OVCH1: variants seen among roughly 807,000 people sequenced by gnomAD.
OVCH1 encodes ovochymase 1, also known as ovochymase-1.
OVCH1 carries 139 observed loss-of-function variants against 138.4 expected under a neutral mutation model. That is an observed-to-expected ratio of 1.00 (90% CI 0.87 to 1.16). The LOEUF is 1.16. Among genes scored for constraint, OVCH1 ranks in the 50% most tolerant of loss-of-function variants. The probability of loss-of-function intolerance (pLI) is 0.00; values close to 1 mark genes in which losing one functional copy is unlikely to be tolerated. For missense variants in OVCH1, 1,367 were observed against 1,357.9 expected (o/e 1.01, Z -0.11); for synonymous variants, 453 against 467.8 (o/e 0.97, Z 0.41).
At chr12:29,418,981 A>G (rs759753658) in intron 3 of OVCH1, among the ~76,000 whole-genome samples, 1 of 152,036 alleles carries the variant, frequency 6.6e-6, no homozygotes, top group African/African-American at 2.4e-5. Context: ...CAGCCTCCTG[A>G]TTTGCTGGGA....
intron 8 of OVCH1, among the ~76,000 whole-genome samples, chr12:29,481,246 C>T (rs73278790): frequency 0.031 from 4,691 of 152,090 alleles, 251 homozygotes; most frequent in African/African-American, 0.11. Context: ...TTTAGCCTTA[C>T]GCTAAAGACA....
intron 22 of OVCH1, among the ~76,000 whole-genome samples, chr12:29,446,476 G>T (rs1941619187): frequency 1.3e-5 from 2 of 151,938 alleles, no homozygotes; most frequent in Admixed American, 6.6e-5. Context: ...CTTAAGTAAA[G>T]AATAATATTT....
intron 12 of OVCH1, 122 bp from the exon 13 acceptor site, chr12:29,476,421 G>A (rs1942717551): frequency 3.8e-6 from 3 of 787,488 alleles, no homozygotes; most frequent in Non-Finnish European, 4.2e-6. Flanking sequence ...ACATAGAAGT[G>A]TAAATAATTG....
chr12:29,442,320 T>C (rs1251885221), intron 25 of OVCH1, among the ~76,000 whole-genome samples: 1 of 149,786 alleles, frequency 6.7e-6, no homozygotes, highest in Non-Finnish European at 1.5e-5. Context: ...ATGTCCTTTG[T>C]AGGGACATGG....
At chr12:29,407,067 T>G in the OVCH1 span, among the ~76,000 whole-genome samples, 2 of 152,004 alleles carry the variant, frequency 1.3e-5, no homozygotes, top group East Asian at 3.9e-4. Flanking sequence ...TGATGATGAG[T>G]ATTTTTTCAT....
At chr12:29,422,755 T>C (rs1184065732), downstream of OVCH1, among the ~76,000 whole-genome samples, 3 of 152,160 alleles carry the variant, frequency 2.0e-5, no homozygotes, top group African/African-American at 7.2e-5. Flanking sequence ...TCTATTCTCT[T>C]CTGGGAACTT....
chr12:29,431,756 T>C (rs1211496729), intron 27 of OVCH1, among the ~76,000 whole-genome samples: 2 of 152,230 alleles, frequency 1.3e-5, no homozygotes, highest in South Asian at 4.1e-4. Flanking sequence ...AAATCTATTA[T>C]AATTCTTCTG....
At chr12:29,470,022 C>T (rs934843692) in intron 16 of OVCH1, among the ~76,000 whole-genome samples, 3 of 152,044 alleles carry the variant, frequency 2.0e-5, no homozygotes, top group African/African-American at 7.2e-5. Context: ...TTATACACAG[C>T]CACATGGCTT....
At chr12:29,451,696 C>T (rs150871147) in intron 21 of OVCH1, 127 bp from the exon 22 acceptor site, 3 of 669,398 alleles carry the variant, frequency 4.5e-6, no homozygotes, top group African/African-American at 3.6e-5. Context: ...CTGTCAGTTA[C>T]AAATTATTCT....
chr12:29,455,801 A>G (rs1941934228), intron 19 of OVCH1, among the ~76,000 whole-genome samples: 1 of 152,218 alleles, frequency 6.6e-6, no homozygotes, highest in Admixed American at 6.5e-5. Context: ...AGATGGATCC[A>G]TCACAAGAAA....
rs1022263951 is a variant in OVCH1 at position 29,445,227 on chromosome 12, G to A, written c.2881+51C>T. On this transcript the variant is annotated intron_variant, in intron 23 of 27. Transcript: ENST00000318184. ...ATGTTTGGAAATATTCCTAAATAGA[G>A]TAATATTGATTTCTTTAGCCTTTAC... 8.6e-6 allele frequency: 13 copies of A among 1,507,982 alleles called. No homozygotes were observed. In the African/African-American group the frequency reaches 1.1e-4, roughly 13 times the overall value. The allele number at this position is 1,507,982 out of a possible 1,614,324, so 93.4% of individuals were successfully genotyped here.
intron 3 of OVCH1, among the ~76,000 whole-genome samples, chr12:29,421,247 G>T (rs771270625): frequency 5.3e-5 from 8 of 152,214 alleles, no homozygotes; most frequent in South Asian, 2.1e-4. Flanking sequence ...TTGGTCAACA[G>T]CTGGAATGCT....
chr12:29,457,905 G>A (rs2135960881), intron 19 of OVCH1, among the ~76,000 whole-genome samples: 1 of 152,276 alleles, frequency 6.6e-6, no homozygotes, highest in African/African-American at 2.4e-5. Context: ...TTGAGCTGAT[G>A]CATAAAGGAT....
chr12:29,435,322 G>C (rs1941338081), intron 26 of OVCH1, among the ~76,000 whole-genome samples: 1 of 152,026 alleles, frequency 6.6e-6, no homozygotes, highest in Non-Finnish European at 1.5e-5. Flanking sequence ...TCTATGAATA[G>C]TCACTGCACT....
At chr12:29,410,367 T>C (rs2135865821), downstream of OVCH1, among the ~76,000 whole-genome samples, 1 of 151,512 alleles carries the variant, frequency 6.6e-6, no homozygotes, top group African/African-American at 2.4e-5. Flanking sequence ...GTTAGCTGGT[T>C]ATTTTGCTCG....
Position 29,464,683 on chromosome 12 carries a change from AT to A in OVCH1, c.1948del (p.Ile650Ter). The A allele has an allele frequency of 3.1e-6, 5 of 1,613,214 alleles. No homozygotes were observed. The highest frequency in any genetic ancestry group is 4.2e-6 in the Non-Finnish European group (5 of 1,179,504). ...TGTGTTAAAGTCTTCATGCACTATT[AT>A]GTGTTTGGCCCTTCTCACCTGTATC... On this transcript the variant is annotated frameshift_variant, in exon 18 of 28. Coordinates refer to ENST00000318184, the Ensembl canonical transcript of OVCH1. LOFTEE classifies it high-confidence loss of function.
chr12:29,474,220 C>A (rs573880882), intron 14 of OVCH1, among the ~76,000 whole-genome samples: 1 of 152,142 alleles, frequency 6.6e-6, no homozygotes, highest in East Asian at 1.9e-4. Context: ...AGAATAAATT[C>A]TTTACAATGA....
exon 11 of OVCH1, chr12:29,477,419 C>A (rs758704702): frequency 6.2e-7 from 1 of 1,613,962 alleles, no homozygotes; most frequent in Non-Finnish European, 8.5e-7. Context: ...ACAAATGGAA[C>A]CATGGCCTCA....
chr12:29,461,736 A>G lies in OVCH1; in HGVS notation c.2280+118T>C, dbSNP rs140537918. The stretch of plus-strand genomic sequence containing the variant: ...TTGCCCCACTGGTCTTCATGCAGGG[A>G]TATGATATTGAAGCACGTGACAAGT... On this transcript the variant is annotated intron_variant, in intron 19 of 27. Transcript: ENST00000318184. 3.5e-4 allele frequency: 439 copies of G among 1,238,280 alleles called. 1 individual carries two copies. In the African/African-American group the frequency reaches 5.5e-3, roughly 16 times the overall value. The allele number at this position is 1,238,280 out of a possible 1,614,324, so 76.7% of individuals were successfully genotyped here.
Sources: gnomAD v4.1 joint callset for allele counts (sites outside exome capture counted in the v4.1 genomes callset) on GRCh38, gnomAD v4.1.1 for gene constraint, MANE v1.5 for transcripts, NCBI Gene and HGNC (gene_info 2026-07-23, HGNC 2026-07-21) for gene names.